The following RPS3 variants were observed in gnomAD, a reference collection of about 807,000 sequenced individuals.
The protein encoded by RPS3 is small ribosomal subunit protein uS3.
RPS3 carries 2 observed loss-of-function variants against 25.8 expected under a neutral mutation model. The ratio of observed to expected loss-of-function variants is 0.08; its 90% CI spans 0.03 to 0.24. The LOEUF (loss-of-function observed/expected upper bound fraction) is 0.24, where lower values mean the gene tolerates loss of function less well. RPS3 is among the 10% of genes least tolerant of loss of function. RPS3 has a pLI of 1.00. For synonymous variants in RPS3, 114 were observed against 114.2 expected (o/e 1.00, Z 0.01); for missense variants, 107 against 307.1 (o/e 0.35, Z 4.87).
chr11:75,399,564 C>T lies in RPS3; in HGVS notation c.17C>T (p.Ser6Phe). 1.2e-6 allele frequency: 2 copies of T among 1,613,910 alleles called. No individual in the cohort carries two copies. Among genetic ancestry groups the T allele is most frequent in the Non-Finnish European group, 1.7e-6 (2 of 1,179,888 alleles). Reference sequence around the variant, plus strand: ...GGCGGCAAGATGGCAGTGCAAATATCCAAGAAGAGGAAGGTGAGCCTCTGG... The same window carrying T: ...GGCGGCAAGATGGCAGTGCAAATATTCAAGAAGAGGAAGGTGAGCCTCTGG... The part of the protein sequence containing the change: MAVQI[S>F]KKRKFVADGI... The change falls in exon 1 of 7, where the codon TCC (serine) becomes TTC (phenylalanine). Residue 6 changes from serine to phenylalanine, a missense_variant. Around this residue, in one of 2 missense-constraint regions of RPS3, gnomAD observed 26 missense variants for 20.4 expected, o/e 1.28. Transcript: ENST00000531188.
chr11:75,416,847 T>G (rs969926321), intron 6 of RPS3, among the ~76,000 whole-genome samples: 1 of 152,236 alleles, frequency 6.6e-6, no homozygotes, highest in Non-Finnish European at 1.5e-5. Flanking sequence ...TGAAGTATCA[T>G]AGAGAGTGAA....
chr11:75,404,334 A>G lies in RPS3; in HGVS notation c.538+127A>G. ...CATGTTCATATTCCTTGGTGTATCG[A>G]TTGCCACGTTGATCTGTAAGAATCG... is the stretch of plus-strand genomic sequence containing the variant. On this transcript the variant is annotated intron_variant, in intron 5 of 6. Transcript: ENST00000531188. This position sits in a 1 kb window ranked among gnomAD's most constrained non-coding sequence, Gnocchi z 4.6. The G allele has an allele frequency of 2.2e-6, 2 of 903,374 alleles. No homozygotes were observed. 56.0% of individuals were successfully genotyped at this position (903,374 alleles called of 1,614,324 possible).
intron 6 of RPS3, among the ~76,000 whole-genome samples, chr11:75,420,565 C>T (rs939110123): frequency 5.3e-5 from 8 of 152,140 alleles, no homozygotes; most frequent in African/African-American, 1.7e-4. Flanking sequence ...AGTCACTTCA[C>T]CTCACAAGGC....
chr11:75,407,415 G>GGCGT (rs1419357364), downstream of RPS3, among the ~76,000 whole-genome samples: 52 of 152,380 alleles, frequency 3.4e-4, no homozygotes, highest in East Asian at 9.8e-3. Flanking sequence ...TGGAATTACA[G>GGCGT]GCGTGAGCCA....
chr11:75,420,943 G>A (rs550599582), intron 6 of RPS3, among the ~76,000 whole-genome samples: 69 of 152,226 alleles, frequency 4.5e-4, no homozygotes, highest in South Asian at 1.5e-3. Context: ...TAAATGGGGC[G>A]CCCTGCCTGG....
At chr11:75,411,282 G>A (rs1284915014), downstream of RPS3, among the ~76,000 whole-genome samples, 4 of 152,164 alleles carry the variant, frequency 2.6e-5, no homozygotes, top group African/African-American at 9.7e-5. Flanking sequence ...AAAGTGCTGG[G>A]AATACAGATG....
chr11:75,408,545 G>T (rs1948310251), downstream of RPS3, among the ~76,000 whole-genome samples: 1 of 152,100 alleles, frequency 6.6e-6, no homozygotes, highest in Admixed American at 6.6e-5. Context: ...CAGGTGCAGT[G>T]GCTCATGTCT....
chr11:75,419,340 G>C (rs1462810278), intron 6 of RPS3, among the ~76,000 whole-genome samples: 1 of 151,998 alleles, frequency 6.6e-6, no homozygotes, highest in Non-Finnish European at 1.5e-5. Context: ...GATCACCTGA[G>C]GTCAGGAGTT....
intron 6 of RPS3, among the ~76,000 whole-genome samples, chr11:75,413,011 G>A: frequency 6.6e-6 from 1 of 152,184 alleles, no homozygotes; most frequent in Non-Finnish European, 1.5e-5. Flanking sequence ...GGCCTCAAGT[G>A]ATCTGCCCAC....
intron 1 of RPS3, chr11:75,400,462 C>T (rs763197885): frequency 8.1e-6 from 5 of 615,950 alleles, no homozygotes; most frequent in African/African-American, 1.8e-5. Flanking sequence ...CTCTGTGCTG[C>T]GTTCTGTGGC....
At position 75,406,722 on chromosome 11, in the gene RPS3, G is replaced by T. The variant is rs1194562067; in HGVS notation, c.*1112G>T. The T allele has an allele frequency of 6.6e-6, 1 of 152,128 alleles. No homozygotes were observed. The highest frequency in any genetic ancestry group is 1.9e-4 in the East Asian group (1 of 5,206). The allele number at this position is 152,128 out of a possible 1,614,324, so 9.4% of individuals were successfully genotyped here. A position where few individuals can be genotyped will look rare whatever the true frequency, so the allele number is the denominator to read the frequency against. ...TCTGTCCAAGGGATTTGCATCTGTG[G>T]ATTCAACCAACTTTGGGTCAAAAAT... On this transcript the variant is annotated 3_prime_UTR_variant, in exon 7 of 7. Coordinates refer to ENST00000531188, the MANE Select transcript of RPS3 (RefSeq NM_001005.5).
intron 2 of RPS3, among the ~76,000 whole-genome samples, chr11:75,401,176 C>G (rs1184675806): frequency 1.3e-5 from 2 of 152,250 alleles, no homozygotes; most frequent in East Asian, 3.9e-4. Flanking sequence ...GCCACCGCGC[C>G]CGGCAGGTTT....
At chr11:75,409,751 A>C (rs1295830419), downstream of RPS3, among the ~76,000 whole-genome samples, 1 of 149,282 alleles carries the variant, frequency 6.7e-6, no homozygotes, top group African/African-American at 2.5e-5. Flanking sequence ...CTCACTTCCC[A>C]GTAGGGGCGG....
At chr11:75,414,720 T>G (rs1393150518) in intron 6 of RPS3, among the ~76,000 whole-genome samples, 1 of 152,242 alleles carries the variant, frequency 6.6e-6, no homozygotes, top group Admixed American at 6.5e-5. Context: ...TGGGAGCTGC[T>G]TAACTGATCA....
intron 6 of RPS3, among the ~76,000 whole-genome samples, chr11:75,420,312 G>C (rs1022278245): frequency 1.3e-5 from 2 of 152,214 alleles, no homozygotes; most frequent in Non-Finnish European, 2.9e-5. Flanking sequence ...TCTCTTATCA[G>C]GGACAAGAAC....
At position 75,406,831 on chromosome 11, in the gene RPS3, T is replaced by A. The variant is rs1948294397; in HGVS notation, c.*1221T>A. On this transcript the variant is annotated 3_prime_UTR_variant, in exon 7 of 7. Coordinates refer to ENST00000531188, the MANE Select transcript of RPS3 (RefSeq NM_001005.5). ...AAATACTATATTTTCTTGTCACTTATTTTCTTGTACACTGCAGTTGTAACA... is the reference window on the plus strand; with the variant it reads ...AAATACTATATTTTCTTGTCACTTAATTTCTTGTACACTGCAGTTGTAACA... 1 of 152,262 alleles carries A rather than the reference T, an allele frequency of 6.6e-6. No individual in the cohort carries two copies. Among genetic ancestry groups the A allele is most frequent in the South Asian group, 2.1e-4 (1 of 4,838 alleles). The allele number at this position is 152,262 out of a possible 1,614,324, so 9.4% of individuals were successfully genotyped here.
At chr11:75,403,464 C>A (rs1948240209) in intron 4 of RPS3, 1 of 152,406 alleles carries the variant, frequency 6.6e-6, no homozygotes, top group East Asian at 1.9e-4. Flanking sequence ...TAGTATCTCG[C>A]AGAGCGTAAA....
chr11:75,404,630 T>C lies in RPS3; in HGVS notation c.539-42T>C, dbSNP rs753689626. 1 of 1,578,910 alleles carries C rather than the reference T, an allele frequency of 6.3e-7. No individual in the cohort carries two copies. Among genetic ancestry groups the C allele is most frequent in the South Asian group, 1.1e-5 (1 of 89,240 alleles). Reference sequence around the variant, plus strand: ...CTTTGGTCTTGTGTGATGGGGGCCTTTGAGACCCCAGCTGTGTGCTAACAA... The same window carrying C: ...CTTTGGTCTTGTGTGATGGGGGCCTCTGAGACCCCAGCTGTGTGCTAACAA... On this transcript the variant is annotated intron_variant, in intron 5 of 6. Coordinates refer to ENST00000531188, the MANE Select transcript of RPS3 (RefSeq NM_001005.5). The surrounding 1 kb of genome is among the most constrained non-coding windows in gnomAD (Gnocchi z 4.6).
chr11:75,411,777 A>G (rs1948358788), downstream of RPS3, among the ~76,000 whole-genome samples: 1 of 152,214 alleles, frequency 6.6e-6, no homozygotes, highest in Admixed American at 6.5e-5. Flanking sequence ...GCTGTGCCAC[A>G]GGAGTGCTGT....
Sources: gnomAD v4.1 joint callset for allele counts (sites outside exome capture counted in the v4.1 genomes callset) on GRCh38, gnomAD v4.1.1 for gene constraint, gnomAD v4.1.1 regional missense constraint, Gnocchi (gnomAD v3.1) non-coding constraint, MANE v1.5 for transcripts, NCBI Gene and HGNC (gene_info 2026-07-23, HGNC 2026-07-21) for gene names.